SLC44A4: variants seen among roughly 807,000 people sequenced by gnomAD.
SLC44A4 encodes the protein choline transporter-like protein 4.
Under a neutral mutation model 97.0 loss-of-function variants are expected in SLC44A4, and 74 were observed. The observed-to-expected ratio is 0.76, with a 90% CI of 0.63 to 0.93. The LOEUF (loss-of-function observed/expected upper bound fraction) is 0.93, where lower values mean the gene tolerates loss of function less well. SLC44A4 is among the 40% of genes least tolerant of loss of function. SLC44A4 has a pLI of 0.00. For missense variants in SLC44A4, 799 were observed against 902.9 expected (o/e 0.88, Z 1.48); for synonymous variants, 325 against 363.8 (o/e 0.89, Z 1.21).
Position 31,875,887 on chromosome 6 carries a change from G to A in SLC44A4, c.207C>T (p.Asn69=), listed in dbSNP as rs146715106. Reference sequence around the variant, plus strand: ...CCATGCCACAGTAGGCCCCAGTAGAGTTCCTGGGGTAGAGGACTTGCCGGG... The same window carrying A: ...CCATGCCACAGTAGGCCCCAGTAGAATTCCTGGGGTAGAGGACTTGCCGGG... ...GDPRQVLYPR[N]STGAYCGMGE... Residue 69 remains asparagine, a synonymous_variant, in exon 4 of 21, where the codon AAC becomes AAT. Coordinates refer to ENST00000229729, the MANE Select transcript of SLC44A4 (RefSeq NM_025257.3). 49 of 1,613,420 alleles carry A rather than the reference G, an allele frequency of 3.0e-5. No homozygotes were observed. In the African/African-American group the frequency reaches 6.1e-4, roughly 20 times the overall value.
At position 31,870,940 on chromosome 6, in the gene SLC44A4, G is replaced by GCCAGCACGC. The variant is rs747250317; in HGVS notation, c.800_808dup (p.Gly267_Leu269dup). The GCCAGCACGC allele has an allele frequency of 6.2e-7, 1 of 1,613,028 alleles. No individual in the cohort carries two copies. The highest frequency in any genetic ancestry group is 1.7e-5 in the Admixed American group (1 of 59,992). On this transcript the variant is annotated inframe_insertion, in exon 10 of 21. Transcript: ENST00000229729. ...CTCCCAGCAGTAGTAGATGCCGTAT[G>GCCAGCACGC]CCAGCACGCCCAGCACTCCCAGGAT...
Position 31,874,675 on chromosome 6 carries a change from C to T in SLC44A4, c.468+46G>A, listed in dbSNP as rs908605857. The T allele has an allele frequency of 6.3e-7, 1 of 1,576,054 alleles. No homozygotes were observed. The highest frequency in any genetic ancestry group is 1.2e-5 in the South Asian group (1 of 83,560). ...AACTCCCCCTCCCTCTCGTGCCCAC[C>T]CTGGCCCTTCTGGGCGACAGTGATG... On this transcript the variant is annotated intron_variant, in intron 6 of 20. Transcript: ENST00000229729. This position sits in a 1 kb window ranked among gnomAD's most constrained non-coding sequence, Gnocchi z 4.8.
chr6:31,869,381 G>T, intron 12 of SLC44A4, 124 bp from the exon 13 acceptor site: 3 of 949,820 alleles, frequency 3.2e-6, no homozygotes, highest in Non-Finnish European at 4.8e-6. Context: ...AATTCAGCCT[G>T]TGTGCACCCT....
chr6:31,873,269 G>T (rs567122541), intron 7 of SLC44A4, among the ~76,000 whole-genome samples: 13 of 151,358 alleles, frequency 8.6e-5, no homozygotes, highest in African/African-American at 2.7e-4. Context: ...TGCAACCTCT[G>T]CCACCCGGGT....
At chr6:31,869,658 T>C (rs1250518179) in intron 11 of SLC44A4, 21 bp from the exon 12 acceptor site, 1 of 1,572,326 alleles carries the variant, frequency 6.4e-7, no homozygotes, top group Non-Finnish European at 8.7e-7. Flanking sequence ...ACAAAGCTGT[T>C]AACCGGCACC....
At chr6:31,875,066 T>A in intron 4 of SLC44A4, 38 bp from the exon 5 acceptor site, 2 of 1,531,692 alleles carry the variant, frequency 1.3e-6, no homozygotes, top group East Asian at 2.2e-5. Context: ...CAGGGCCTGG[T>A]CAGGTGTTGG....
intron 9 of SLC44A4, 59 bp downstream of exon 9, chr6:31,871,255 G>A: frequency 6.6e-7 from 1 of 1,517,756 alleles, no homozygotes; most frequent in Non-Finnish European, 9.2e-7. Context: ...GGGCGAGGGG[G>A]TAGAGGATCA....
chr6:31,876,409 C>T lies in SLC44A4; in HGVS notation c.90-280G>A, dbSNP rs1009260894. ...TTAGCCTCCCGAGTAGCTGGGATTA[C>T]AGGCGCGTGCCACTACTGCCCGGCT... On this transcript the variant is annotated intron_variant, in intron 2 of 20. Transcript: ENST00000229729. This position sits in a 1 kb window ranked among gnomAD's most constrained non-coding sequence, Gnocchi z 4.8. Among the ~76,000 whole-genome samples the T allele has an allele frequency of 1.3e-5, 2 of 152,136 alleles. No homozygotes were observed. Among genetic ancestry groups the T allele is most frequent in the South Asian group, 2.1e-4 (1 of 4,830 alleles).
At position 31,874,151 on chromosome 6, in the gene SLC44A4, GT is replaced by G. The variant is rs1763318418; in HGVS notation, c.529+308del. 6.6e-6 allele frequency among the ~76,000 whole-genome samples: 1 copy of G among 151,336 alleles called. No homozygotes were observed. Among genetic ancestry groups the G allele is most frequent in the Non-Finnish European group, 1.5e-5 (1 of 67,814 alleles). ...TGTGTGTGTAGATTCACCCATGTATGTTTTCATGAGATTTTCATACAGTCTC... is the reference window on the plus strand; with the variant it reads ...TGTGTGTGTAGATTCACCCATGTATGTTTCATGAGATTTTCATACAGTCTC... On this transcript the variant is annotated intron_variant, in intron 7 of 20. Coordinates refer to ENST00000229729, the MANE Select transcript of SLC44A4 (RefSeq NM_025257.3). This position sits in a 1 kb window ranked among gnomAD's most constrained non-coding sequence, Gnocchi z 4.8.
intron 13 of SLC44A4, among the ~76,000 whole-genome samples, chr6:31,867,289 G>C (rs1762918669): frequency 6.7e-6 from 1 of 149,070 alleles, no homozygotes; most frequent in African/African-American, 2.5e-5. Flanking sequence ...GTCTCACTCT[G>C]TCACCATATT....
chr6:31,875,922 A>G lies in SLC44A4; in HGVS notation c.172T>C (p.Tyr58His), dbSNP rs767151503. The change falls in exon 4 of 21, where the codon TAT (tyrosine) becomes CAT (histidine). Residue 58 changes from tyrosine (Y) to histidine (H), a missense_variant. Transcript: ENST00000229729. ...TAGAGGACTTGCCGGGGGTCTCCATACAACCAGGCTGCAGACAGAGGCACA... is the reference window on the plus strand; with the variant it reads ...TAGAGGACTTGCCGGGGGTCTCCATGCAACCAGGCTGCAGACAGAGGCACA... ...YIVVGIVAWL[Y>H]GDPRQVLYPR... 2 of 1,613,930 alleles carry G rather than the reference A, an allele frequency of 1.2e-6. No homozygotes were observed. Among genetic ancestry groups the G allele is most frequent in the South Asian group, 1.1e-5 (1 of 91,034 alleles).
chr6:31,868,030 C>T (rs932348074), intron 13 of SLC44A4, among the ~76,000 whole-genome samples: 2 of 152,242 alleles, frequency 1.3e-5, no homozygotes, highest in East Asian at 3.9e-4. Flanking sequence ...GTTGGCCAGG[C>T]TGGTCTCAAA....
chr6:31,863,807 G>A (rs1024076576), intron 20 of SLC44A4, 59 bp from the exon 21 acceptor site: 1 of 1,603,990 alleles, frequency 6.2e-7, no homozygotes, highest in Non-Finnish European at 8.5e-7. Flanking sequence ...CGGGGACTGG[G>A]AGGCAAGCTG....
Position 31,874,474 on chromosome 6 carries a change from A to G in SLC44A4, c.515T>C (p.Leu172Pro). The G allele has an allele frequency of 6.2e-7, 1 of 1,613,046 alleles. No homozygotes were observed. Among genetic ancestry groups the G allele is most frequent in the Non-Finnish European group, 8.5e-7 (1 of 1,180,016 alleles). ...GTGCTTCTCACCTGGAGCAGAGGGG[A>G]GGAGGAAACTGGGGCAGAGTTCCTG... is the stretch of plus-strand genomic sequence containing the variant. Reference protein sequence around the residue: ...LQQELCPSFLLPSAPALGRCF... With the variant: ...LQQELCPSFLPPSAPALGRCF... The change falls in exon 7 of 21, where the codon CTC becomes CCC. Residue 172 changes from leucine to proline, a missense_variant. Leu to Pro is a moderately conservative substitution (Grantham distance 98). Transcript: ENST00000229729. The surrounding 1 kb of genome is among the most constrained non-coding windows in gnomAD (Gnocchi z 4.8).
In SLC44A4 at chr6:31,874,850, G is replaced by T; in HGVS notation, c.343-4C>A. 1.9e-6 allele frequency: 3 copies of T among 1,612,494 alleles called. No individual in the cohort carries two copies. Among genetic ancestry groups the T allele is most frequent in the Non-Finnish European group, 2.5e-6 (3 of 1,179,230 alleles). On this transcript the variant is annotated splice_region_variant and splice_polypyrimidine_tract_variant and intron_variant, in intron 5 of 20. Coordinates refer to ENST00000229729, the MANE Select transcript of SLC44A4 (RefSeq NM_025257.3). This position sits in a 1 kb window ranked among gnomAD's most constrained non-coding sequence, Gnocchi z 4.8. ...CCGGGCAGGAGGACACACACACCTG[G>T]GTGCAGAGAGAACACTAAGGGGCTG... is the stretch of plus-strand genomic sequence containing the variant.
At position 31,874,489 on chromosome 6, in the gene SLC44A4, C is replaced by T; in HGVS notation, c.500G>A (p.Cys167Tyr). ...AGCAGAGGGGAGGAGGAAACTGGGG[C>T]AGAGTTCCTGTTGCAGGCTTGTGAT... ...TVITSLQQELCPSFLLPSAPA... is the reference protein window; with the variant it reads ...TVITSLQQELYPSFLLPSAPA... Residue 167 changes from cysteine to tyrosine, a missense_variant, in exon 7 of 21, where the codon TGC becomes TAC. Cys to Tyr is a radical substitution (Grantham distance 194). Coordinates refer to ENST00000229729, the MANE Select transcript of SLC44A4 (RefSeq NM_025257.3). The surrounding 1 kb of genome is among the most constrained non-coding windows in gnomAD (Gnocchi z 4.8). 1.9e-6 allele frequency: 3 copies of T among 1,613,020 alleles called. No individual in the cohort carries two copies. Among genetic ancestry groups the T allele is most frequent in the Non-Finnish European group, 2.5e-6 (3 of 1,180,006 alleles).
chr6:31,868,181 C>A (rs372243347), intron 13 of SLC44A4, among the ~76,000 whole-genome samples: 1 of 152,098 alleles, frequency 6.6e-6, no homozygotes, highest in Admixed American at 6.6e-5. Context: ...CCAGCTCAGA[C>A]GAGGTGAAGA....
At position 31,864,495 on chromosome 6, in the gene SLC44A4, A is replaced by G. The variant is rs1332222876; in HGVS notation, c.2011+157T>C. ...GGCTCACTCTCTTCCTTCTTCCCTAAACGCCTGGCCTCAGGATGTCACAAG... is the reference window on the plus strand; with the variant it reads ...GGCTCACTCTCTTCCTTCTTCCCTAGACGCCTGGCCTCAGGATGTCACAAG... On this transcript the variant is annotated intron_variant, in intron 20 of 20. Transcript: ENST00000229729. 4.4e-6 allele frequency: 3 copies of G among 683,568 alleles called. No individual in the cohort carries two copies. In the African/African-American group the frequency reaches 5.4e-5, roughly 12 times the overall value. The allele number at this position is 683,568 out of a possible 1,614,324, so 42.3% of individuals were successfully genotyped here. A position where few individuals can be genotyped will look rare whatever the true frequency, so the allele number is the denominator to read the frequency against.
In SLC44A4 at chr6:31,876,865, G is replaced by C. The variant is rs964639035; in HGVS notation, c.89+169C>G. On this transcript the variant is annotated intron_variant, in intron 2 of 20. Coordinates refer to ENST00000229729, the MANE Select transcript of SLC44A4 (RefSeq NM_025257.3). This position sits in a 1 kb window ranked among gnomAD's most constrained non-coding sequence, Gnocchi z 4.8. ...ATCCCCCCAGAACTGGGAAGCCCTCGATGCCTGCTCCAGACACAACAATCC... is the reference window on the plus strand; with the variant it reads ...ATCCCCCCAGAACTGGGAAGCCCTCCATGCCTGCTCCAGACACAACAATCC... 6.6e-6 allele frequency among the ~76,000 whole-genome samples: 1 copy of C among 152,114 alleles called. No individual in the cohort carries two copies. The highest frequency in any genetic ancestry group is 2.4e-5 in the African/African-American group (1 of 41,382).
Sources: gnomAD v4.1 joint callset for allele counts (sites outside exome capture counted in the v4.1 genomes callset) on GRCh38, gnomAD v4.1.1 for gene constraint, Gnocchi (gnomAD v3.1) non-coding constraint, MANE v1.5 for transcripts, NCBI Gene and HGNC (gene_info 2026-07-23, HGNC 2026-07-21) for gene names.